The following DEF8 variants were observed in gnomAD, a reference collection of about 807,000 sequenced individuals.
DEF8 encodes DEF-8.
Under a neutral mutation model 59.1 loss-of-function variants are expected in DEF8, and 38 were observed. That is an observed-to-expected ratio of 0.64 (90% CI 0.50 to 0.84). The LOEUF (loss-of-function observed/expected upper bound fraction) is 0.84. Ranked by LOEUF, DEF8 falls within the 40% of genes least tolerant of loss-of-function variation. The probability of loss-of-function intolerance (pLI) is 0.00; values close to 1 mark genes in which losing one functional copy is unlikely to be tolerated. For synonymous variants in DEF8, 265 were observed against 250.1 expected (o/e 1.06, Z -0.56); for missense variants, 557 against 615.2 (o/e 0.91, Z 1.00).
chr16:89,949,104 C>CGGG (rs1724036764), intron 1 of DEF8, among the ~76,000 whole-genome samples: 2 of 63,468 alleles, frequency 3.2e-5, no homozygotes, highest in Non-Finnish European at 6.2e-5. Flanking sequence ...ACGGGGCCGG[C>CGGG]GAGGTCGGGG....
At position 89,966,028 on chromosome 16, in the gene DEF8, G is replaced by T. The variant is rs2034582337; in HGVS notation, c.*65G>T. 1.5e-6 allele frequency: 2 copies of T among 1,316,496 alleles called. No individual in the cohort carries two copies. Among genetic ancestry groups the T allele is most frequent in the Admixed American group, 3.8e-5 (2 of 52,554 alleles). The allele number at this position is 1,316,496 out of a possible 1,614,324, so 81.6% of individuals were successfully genotyped here. On this transcript the variant is annotated 3_prime_UTR_variant, in exon 13 of 13. Transcript: ENST00000563594. ...GGACCCACCCTGCCAACATCAAGTT[G>T]TTCCTTCTGCTCCGGAGACCCCTGG...
intron 8 of DEF8, 62 bp from the exon 9 acceptor site, chr16:89,961,950 G>T (rs2034078151): frequency 6.2e-7 from 1 of 1,607,736 alleles, no homozygotes; most frequent in East Asian, 2.2e-5. Flanking sequence ...CCCTGGTTGG[G>T]TGTTGCCCGC....
intron 7 of DEF8, 59 bp downstream of exon 7, chr16:89,961,154 G>T: frequency 6.4e-7 from 1 of 1,574,650 alleles, no homozygotes; most frequent in Non-Finnish European, 8.6e-7. Context: ...GGAGCCGGGT[G>T]CACAGGTGTG....
chr16:89,964,286 C>A lies in DEF8; in HGVS notation c.1119C>A (p.Ala373=). 1 of 1,599,564 alleles carries A rather than the reference C, an allele frequency of 6.3e-7. No homozygotes were observed. The highest frequency in any genetic ancestry group is 2.2e-5 in the East Asian group (1 of 44,602). ...CSLTEIHTLF[A]KHIKLDCERC... ...TCACCGAGATCCACACGCTCTTCGC[C>A]AAGCACATCAAGCTGGACTGCGAGG... Residue 373 remains alanine, a synonymous_variant, in exon 11 of 13, where the codon GCC becomes GCA. Coordinates refer to ENST00000563594, the MANE Select transcript of DEF8 (RefSeq NM_001242818.2).
chr16:89,949,370 G>A, intron 1 of DEF8, 47 bp from the exon 2 acceptor site: 1 of 1,481,584 alleles, frequency 6.7e-7, no homozygotes, highest in African/African-American at 1.4e-5. Context: ...GCTCCCGCGG[G>A]TGTGGTGGGT....
At position 89,955,663 on chromosome 16, in the gene DEF8, T is replaced by G. The variant is rs532564199; in HGVS notation, c.222+397T>G. Reference sequence around the variant, plus strand: ...GGTGTGGGAGGCAAGGGGAAGCCCCTTGTCTGCCTCGTACTGACCAGTCGG... The same window carrying G: ...GGTGTGGGAGGCAAGGGGAAGCCCCGTGTCTGCCTCGTACTGACCAGTCGG... On this transcript the variant is annotated intron_variant, in intron 4 of 12. Coordinates refer to ENST00000563594, the MANE Select transcript of DEF8 (RefSeq NM_001242818.2). Among the ~76,000 whole-genome samples the G allele has an allele frequency of 3.3e-4, 51 of 152,326 alleles. No homozygotes were observed. In the South Asian group the frequency reaches 7.7e-3, roughly 23 times the overall value.
chr16:89,954,232 C>G lies in DEF8; in HGVS notation c.-10-11C>G, dbSNP rs1476327898. On this transcript the variant is annotated splice_polypyrimidine_tract_variant and intron_variant, in intron 2 of 12. Coordinates refer to ENST00000563594, the MANE Select transcript of DEF8 (RefSeq NM_001242818.2). The surrounding 1 kb of genome is among the most constrained non-coding windows in gnomAD (Gnocchi z 4.3). ...ACCTGGGGACTCATCCTGGCCCTGC[C>G]TGGCCCTCAGGTGGGATGCTATGGA... 1.9e-6 allele frequency: 3 copies of G among 1,610,454 alleles called. No individual in the cohort carries two copies. Among genetic ancestry groups the G allele is most frequent in the African/African-American group, 2.7e-5 (2 of 74,854 alleles).
At position 89,957,701 on chromosome 16, in the gene DEF8, G is replaced by A. The variant is rs376045841; in HGVS notation, c.372+41G>A. On this transcript the variant is annotated intron_variant, in intron 5 of 12. Transcript: ENST00000563594. ...CCCCGCCGTGGGGCAGCCTGGGGCC[G>A]AGGCCAGAACTGTGGAACTAGGAGG... 1.2e-5 allele frequency: 18 copies of A among 1,509,762 alleles called. No individual in the cohort carries two copies. The African/African-American group carries it at 1.8e-4, about 15-fold the overall frequency. 93.5% of individuals were successfully genotyped at this position (1,509,762 alleles called of 1,614,324 possible).
chr16:89,962,119 G>A lies in DEF8; in HGVS notation c.915G>A (p.Glu305=). ...TCAGCTACGTGGAGGAGCTGGTGGA[G>A]ATTCGCGTGAGGCTGGGGCCATGGA... ...LLFSYVEELV[E]IRKLRQDILL... is the part of the protein sequence containing the mutation. Residue 305 remains glutamate (E), a synonymous_variant, in exon 9 of 13, where the codon GAG becomes GAA. Transcript: ENST00000563594. The A allele has an allele frequency of 6.2e-7, 1 of 1,613,692 alleles. No homozygotes were observed. Among genetic ancestry groups the A allele is most frequent in the Non-Finnish European group, 8.5e-7 (1 of 1,179,778 alleles).
intron 2 of DEF8, among the ~76,000 whole-genome samples, chr16:89,951,226 A>G (rs747035236): frequency 1.1e-4 from 16 of 151,898 alleles, no homozygotes; most frequent in Non-Finnish European, 2.4e-4. Context: ...TCTTGTTACC[A>G]TGAAACTATT....
At chr16:89,965,725 G>A in intron 12 of DEF8, 136 bp from the exon 13 acceptor site, 1 of 594,852 alleles carries the variant, frequency 1.7e-6, no homozygotes, top group Non-Finnish European at 3.0e-6. Context: ...ACAGTCACTT[G>A]CATCTGGCTG....
chr16:89,955,210 T>C lies in DEF8; in HGVS notation c.166T>C (p.Cys56Arg), dbSNP rs750336491. The C allele has an allele frequency of 1.9e-6, 3 of 1,613,750 alleles. No individual in the cohort carries two copies. The East Asian group carries it at 6.7e-5, about 36-fold the overall frequency. Residue 56 changes from cysteine (C) to arginine (R), a missense_variant, in exon 4 of 13, where the codon TGC becomes CGC. Physicochemically the swap from Cys to Arg is radical, Grantham distance 180. Transcript: ENST00000563594. Reference protein sequence around the residue: ...ELPPGEPEFRCPERVMDLGLS... With the variant: ...ELPPGEPEFRRPERVMDLGLS... ...GCCCCCTGGGGAGCCGGAATTCCGC[T>C]GCCCTGAACGCGTGATGGATCTCGG...
intron 5 of DEF8, among the ~76,000 whole-genome samples, chr16:89,958,696 A>C (rs530351323): frequency 2.6e-5 from 4 of 152,182 alleles, no homozygotes; most frequent in Non-Finnish European, 5.9e-5. Context: ...ACCGGCAAAA[A>C]GCAGGAGGGG....
At chr16:89,949,394 G>A in intron 1 of DEF8, 23 bp from the exon 2 acceptor site, 2 of 1,588,924 alleles carry the variant, frequency 1.3e-6, no homozygotes. Flanking sequence ...GAGGCACAGT[G>A]CTGGGGTGGC....
chr16:89,957,685 G>C (rs748316515), intron 5 of DEF8, 25 bp downstream of exon 5: 19 of 1,520,740 alleles, frequency 1.2e-5, no homozygotes. Flanking sequence ...GCCCCGCCGT[G>C]GGGCAGCCTG....
At chr16:89,961,699 G>A in intron 7 of DEF8, 38 bp from the exon 8 acceptor site, 1 of 1,609,484 alleles carries the variant, frequency 6.2e-7, no homozygotes, top group Non-Finnish European at 8.5e-7. Context: ...TGGGGTTTTT[G>A]TGAGGCAGGG....
In DEF8 at chr16:89,954,591, G is replaced by A. The variant is rs986263412; in HGVS notation, c.124+215G>A. Reference sequence around the variant, plus strand: ...ATTCCTGAGGGCAAGATTTGTGCCTGACCCATCACTGCTGCATCCTAGGGC... The same window carrying A: ...ATTCCTGAGGGCAAGATTTGTGCCTAACCCATCACTGCTGCATCCTAGGGC... On this transcript the variant is annotated intron_variant, in intron 3 of 12. Coordinates refer to ENST00000563594, the MANE Select transcript of DEF8 (RefSeq NM_001242818.2). The surrounding 1 kb of genome is among the most constrained non-coding windows in gnomAD (Gnocchi z 4.3). 9.9e-5 allele frequency among the ~76,000 whole-genome samples: 15 copies of A among 152,184 alleles called. No individual in the cohort carries two copies. Among genetic ancestry groups the A allele is most frequent in the African/African-American group, 3.1e-4 (13 of 41,430 alleles).
rs1597543818 is a variant in DEF8 at position 89,966,079 on chromosome 16, C to T, written c.*116C>T. On this transcript the variant is annotated 3_prime_UTR_variant, in exon 13 of 13. Transcript: ENST00000563594. ...GGTGCGGCCCTGGCCCCCTCCACCC[C>T]TGCTGGGCCAGAGCGGGTGGGCAGT... is the stretch of plus-strand genomic sequence containing the variant. 8.0e-6 allele frequency: 6 copies of T among 747,420 alleles called. 1 individual carries two copies. The highest frequency in any genetic ancestry group is 3.5e-5 in the African/African-American group (2 of 56,764). The allele number at this position is 747,420 out of a possible 1,614,324, so 46.3% of individuals were successfully genotyped here.
In DEF8 at chr16:89,964,518, T is replaced by G; in HGVS notation, c.1196T>G (p.Leu399Arg). The part of the protein sequence containing the change: ...VCELCREGDV[L>R]FPFDSHTSVC... ...GAGCTCTGCAGAGAGGGCGACGTGC[T>G]GTTCCCGTTCGACAGCCACACGTCT... The change falls in exon 12 of 13, where the codon CTG (leucine) becomes CGG (arginine). Residue 399 changes from leucine to arginine, a missense_variant. Leu to Arg is a moderately radical substitution (Grantham distance 102). Transcript: ENST00000563594. 8 of 1,598,286 alleles carry G rather than the reference T, an allele frequency of 5.0e-6. No individual in the cohort carries two copies. The highest frequency in any genetic ancestry group is 6.8e-6 in the Non-Finnish European group (8 of 1,173,000).
Sources: gnomAD v4.1 joint callset for allele counts (sites outside exome capture counted in the v4.1 genomes callset) on GRCh38, gnomAD v4.1.1 for gene constraint, Gnocchi (gnomAD v3.1) non-coding constraint, MANE v1.5 for transcripts, NCBI Gene and HGNC (gene_info 2026-07-23, HGNC 2026-07-21) for gene names.